Variants in PCDH7 observed in about 807,000 individuals in gnomAD.
PCDH7 encodes the protein protocadherin-7.
Under a neutral mutation model 58.9 loss-of-function variants are expected in PCDH7, and 17 were observed. That is an observed-to-expected ratio of 0.29 (90% confidence interval 0.20 to 0.43). The LOEUF is 0.43. Among genes scored for constraint, PCDH7 ranks in the 20% least tolerant of loss-of-function variants. The probability of loss-of-function intolerance (pLI) is 1.00; values close to 1 mark genes in which losing one functional copy is unlikely to be tolerated. For missense variants in PCDH7, 1,274 were observed against 1,441.0 expected, an observed-to-expected ratio of 0.88 and a Z score of 1.88; for synonymous variants, 664 against 616.4, an observed-to-expected ratio of 1.08 and a Z score of -1.14.
chr4:31,090,109 T>C (rs1578767994), intron 3 of PCDH7, among the ~76,000 whole-genome samples: 1 of 152,110 alleles, frequency 6.6e-6, no homozygotes, highest in African/African-American at 2.4e-5. Context: ...CTATGAGAAC[T>C]GGCCTTCAGG....
rs1411447358 is a variant in PCDH7, at chr4:30,723,721, T to C, written c.2299T>C (p.Leu767=). 3.7e-6 allele frequency: 6 copies of C among 1,614,046 alleles called. No homozygotes were observed. In the African/African-American group the frequency reaches 6.7e-5, roughly 18 times the overall value. ...TGTCAGGACAGTAGTAGCTACAGTG[T>C]TGGCAACAGACAGTGATGATGGCAT... Residue 767 remains leucine (L), a synonymous_variant, in exon 1 of 2, where the codon TTG becomes CTG. Coordinates refer to ENST00000361762, the Ensembl canonical transcript of PCDH7. The surrounding 1 kb of genome is among the most constrained non-coding windows in gnomAD (Gnocchi z 4.6).
At chr4:30,826,066 C>T (rs1439913421) in intron 1 of PCDH7, among the ~76,000 whole-genome samples, 2 of 152,122 alleles carry the variant, frequency 1.3e-5, no homozygotes, top group Non-Finnish European at 2.9e-5. Flanking sequence ...CTCTTTCTCA[C>T]TCTTTGTGCC....
chr4:30,886,578 A>T (rs1335820659), intron 1 of PCDH7, among the ~76,000 whole-genome samples: 2 of 149,316 alleles, frequency 1.3e-5, no homozygotes, highest in Non-Finnish European at 3.0e-5. Flanking sequence ...TTCCTCAGGG[A>T]TCTAGAAGTA....
At position 31,131,020 on chromosome 4, in the gene PCDH7, A is replaced by G. The variant is rs111552945; in HGVS notation, c.*8-11453A>G. 8.4e-4 allele frequency among the ~76,000 whole-genome samples: 128 copies of G among 152,248 alleles called. 1 individual carries two copies. The highest frequency in any genetic ancestry group is 2.1e-3 in the South Asian group (10 of 4,820). ...CAGTTCCACAGATTAGGATGCATAC[A>G]TTTTTGGAGGGGACCATTATTCTGC... On this transcript the variant is annotated intron_variant, in intron 3 of 3. Transcript: ENST00000509759.
intron 2 of PCDH7, among the ~76,000 whole-genome samples, chr4:30,924,164 C>T (rs1379221487): frequency 1.3e-5 from 2 of 152,106 alleles, no homozygotes; most frequent in African/African-American, 4.8e-5. Context: ...CTTGATCTTT[C>T]CAAAGCCCCC....
At chr4:30,731,897 G>A (rs1332410647) in exon 2 of PCDH7, 1 of 151,812 alleles carries the variant, frequency 6.6e-6, no homozygotes, top group Non-Finnish European at 1.5e-5. Flanking sequence ...TGTTCCATAT[G>A]TAAAGTTTAA....
intron 3 of PCDH7, among the ~76,000 whole-genome samples, chr4:30,972,137 T>C (rs1749643635): frequency 6.6e-6 from 1 of 152,168 alleles, no homozygotes; most frequent in Non-Finnish European, 1.5e-5. Flanking sequence ...AAGGAATTTT[T>C]TTATAACTAA....
At chr4:31,026,693 T>C in intron 3 of PCDH7, among the ~76,000 whole-genome samples, 1 of 152,168 alleles carries the variant, frequency 6.6e-6, no homozygotes, top group South Asian at 2.1e-4. Flanking sequence ...ATTATTGATA[T>C]TTGTAACACC....
chr4:31,115,809 A>G (rs1560238312), intron 3 of PCDH7, among the ~76,000 whole-genome samples: 1 of 152,244 alleles, frequency 6.6e-6, no homozygotes, highest in Non-Finnish European at 1.5e-5. Context: ...TTTAAAATAT[A>G]CATTTTGCCA....
At chr4:30,774,365 A>C (rs2109281719) in intron 1 of PCDH7, among the ~76,000 whole-genome samples, 1 of 152,340 alleles carries the variant, frequency 6.6e-6, no homozygotes, top group Non-Finnish European at 1.5e-5. Context: ...TTTTTAAAGT[A>C]TTACTAAATA....
chr4:30,956,473 T>C (rs1224499365), intron 3 of PCDH7, among the ~76,000 whole-genome samples: 1 of 152,244 alleles, frequency 6.6e-6, no homozygotes, highest in Non-Finnish European at 1.5e-5. Context: ...TTCTCATTTG[T>C]GGAATTCACT....
intron 3 of PCDH7, among the ~76,000 whole-genome samples, chr4:30,986,879 G>A (rs923194635): frequency 6.6e-6 from 1 of 151,928 alleles, no homozygotes; most frequent in African/African-American, 2.4e-5. Context: ...TACTCAGGAG[G>A]CTGAGGCAGA....
intron 1 of PCDH7, among the ~76,000 whole-genome samples, chr4:30,876,844 T>G (rs1466586802): frequency 1.3e-5 from 2 of 152,026 alleles, no homozygotes; most frequent in African/African-American, 4.8e-5. Flanking sequence ...CCTGTCAATC[T>G]GTCATCTAGG....
intron 3 of PCDH7, among the ~76,000 whole-genome samples, chr4:31,080,007 T>A (rs901233438): frequency 1.3e-5 from 2 of 152,180 alleles, no homozygotes; most frequent in Non-Finnish European, 2.9e-5. Flanking sequence ...TCTCTTCTAC[T>A]TACATAATTA....
chr4:30,786,420 C>T (rs1170995161), intron 1 of PCDH7, among the ~76,000 whole-genome samples: 2 of 151,996 alleles, frequency 1.3e-5, no homozygotes, highest in African/African-American at 4.8e-5. Flanking sequence ...ATTTCATAGC[C>T]TTGAAAAGCT....
intron 3 of PCDH7, among the ~76,000 whole-genome samples, chr4:31,035,247 C>CTTTTTTT (rs35099580): frequency 9.9e-4 from 98 of 99,364 alleles, no homozygotes; most frequent in Non-Finnish European, 1.3e-3. Context: ...CCTTTTTTCC[C>CTTTTTTT]TTTTTTTTTT....
intron 1 of PCDH7, among the ~76,000 whole-genome samples, chr4:30,914,738 A>C (rs1014286391): frequency 1.3e-5 from 2 of 152,172 alleles, no homozygotes; most frequent in African/African-American, 4.8e-5. Context: ...GAGGGAGCTT[A>C]AGGCTCTTTT....
At chr4:30,866,303 A>T (rs564977225) in intron 1 of PCDH7, among the ~76,000 whole-genome samples, 8 of 152,206 alleles carry the variant, frequency 5.3e-5, no homozygotes, top group Non-Finnish European at 1.0e-4. Context: ...ACATATCTAC[A>T]TTATTTCATT....
intron 3 of PCDH7, among the ~76,000 whole-genome samples, chr4:31,124,172 G>A (rs1225409649): frequency 6.6e-6 from 1 of 152,150 alleles, no homozygotes; most frequent in African/African-American, 2.4e-5. Context: ...CCTCACCAGG[G>A]ACCTTGCACT....
Sources: gnomAD v4.1 joint callset for allele counts (sites outside exome capture counted in the v4.1 genomes callset) on GRCh38, gnomAD v4.1.1 for gene constraint, Gnocchi (gnomAD v3.1) non-coding constraint, MANE v1.5 for transcripts, NCBI Gene and HGNC (gene_info 2026-07-23, HGNC 2026-07-21) for gene names.